TRUB2: variants seen among roughly 807,000 people sequenced by gnomAD.
The protein encoded by TRUB2 is TruB pseudouridine synthase family member 2.
In TRUB2, 31 loss-of-function variants were observed where a neutral mutation model predicts 31.9. The ratio of observed to expected loss-of-function variants is 0.97; its 90% CI spans 0.73 to 1.31. The LOEUF is 1.31. Ranked by LOEUF, TRUB2 falls within the 50% of genes most tolerant of loss-of-function variation. TRUB2 has a pLI of 0.00. For synonymous variants in TRUB2, 201 were observed against 182.6 expected, an observed-to-expected ratio of 1.10 and a Z score of -0.81; for missense variants, 451 against 439.6, an observed-to-expected ratio of 1.03 and a Z score of -0.23.
chr9:128,314,003 G>A (rs1007603540), intron 4 of TRUB2, 114 bp from the exon 5 acceptor site: 1 of 859,884 alleles, frequency 1.2e-6, no homozygotes, highest in Non-Finnish European at 1.9e-6. Flanking sequence ...AAGCTCATGT[G>A]CCCAGCCCCT....
At chr9:128,313,729 CAGCGTGGCCTAG>C in intron 5 of TRUB2, 67 bp downstream of exon 5, 1 of 1,281,246 alleles carries the variant, frequency 7.8e-7, no homozygotes, top group African/African-American at 1.5e-5. Flanking sequence ...GAGAAGGGGC[CAGCGTGGCCTAG>C]GGCGGGGAGA....
rs1832206789 is a variant in TRUB2 at position 128,322,389 on chromosome 9, G to A, written c.20C>T (p.Ser7Leu). The part of the protein sequence containing the change: MGSAGL[S>L]RLHGLFAVYK... ...GACCGCGAAAAGCCCATGCAGCCGC[G>A]ACAAGCCAGCAGACCCCATACTTGA... The change falls in exon 1 of 8, where the codon TCG (serine) becomes TTG (leucine). Residue 7 changes from serine (S) to leucine (L), a missense_variant. Coordinates refer to ENST00000372890, the MANE Select transcript of TRUB2 (RefSeq NM_015679.3). 1.9e-6 allele frequency: 3 copies of A among 1,613,976 alleles called. No homozygotes were observed. In the Admixed American group the frequency reaches 5.0e-5, roughly 27 times the overall value.
chr9:128,310,783 GC>G (rs751814370), intron 7 of TRUB2, 103 bp downstream of exon 7: 119 of 1,495,438 alleles, frequency 8.0e-5, no homozygotes, highest in Non-Finnish European at 1.0e-4. Flanking sequence ...GCGTGTGCTG[GC>G]CTCAGCTGAG....
intron 2 of TRUB2, among the ~76,000 whole-genome samples, chr9:128,317,664 C>G (rs527480650): frequency 6.6e-6 from 1 of 152,138 alleles, no homozygotes; most frequent in African/African-American, 2.4e-5. Flanking sequence ...GTTTACACTT[C>G]TACAGATTAA....
intron 6 of TRUB2, 91 bp downstream of exon 6, chr9:128,311,438 G>T: frequency 2.3e-6 from 3 of 1,293,198 alleles, no homozygotes; most frequent in African/African-American, 1.5e-5. Flanking sequence ...CTAAAAACAA[G>T]ATCCATGGAA....
At position 128,309,750 on chromosome 9, in the gene TRUB2, C is replaced by G. The variant is rs767721771; in HGVS notation, c.796G>C (p.Asp266His). Residue 266 changes from aspartate to histidine, a missense_variant, in exon 8 of 8, where the codon GAC becomes CAC. By Grantham distance (81) the Asp-to-His change is moderately conservative. Coordinates refer to ENST00000372890, the MANE Select transcript of TRUB2 (RefSeq NM_015679.3). ...RRTRDGFFTL[D>H]SALLRTQWDL... ...CACTGGGTCCTCAGGAGGGCACTGT[C>G]TAGCGTGAAGAAGCCGTCGCGCGTG... The G allele has an allele frequency of 5.0e-6, 8 of 1,614,268 alleles. No homozygotes were observed. Among genetic ancestry groups the G allele is most frequent in the Middle Eastern group, 1.6e-4 (1 of 6,062 alleles).
At chr9:128,317,562 T>C (rs1292701952) in intron 2 of TRUB2, among the ~76,000 whole-genome samples, 2 of 152,176 alleles carry the variant, frequency 1.3e-5, no homozygotes, top group East Asian at 1.9e-4. Flanking sequence ...ATGGAGGCTG[T>C]GAGCTCCTTA....
rs1323017967 is a variant in TRUB2, at chr9:128,306,291, GGTGGT to G, written c.*3254_*3258del. On this transcript the variant is annotated 3_prime_UTR_variant, in exon 8 of 8. Transcript: ENST00000372890. The stretch of plus-strand genomic sequence containing the variant: ...CTATGCCAATAAGGGCTCTAAATGG[GGTGGT>G]GTGACAGCCCATGTGCCCTACGTTC... 1 of 151,930 alleles carries G rather than the reference GGTGGT, an allele frequency of 6.6e-6. No homozygotes were observed. Among genetic ancestry groups the G allele is most frequent in the Admixed American group, 6.6e-5 (1 of 15,224 alleles). The allele number at this position is 151,930 out of a possible 1,614,324, so 9.4% of individuals were successfully genotyped here. A position where few individuals can be genotyped will look rare whatever the true frequency, so the allele number is the denominator to read the frequency against.
intron 2 of TRUB2, among the ~76,000 whole-genome samples, chr9:128,317,889 T>C (rs1419066775): frequency 6.6e-6 from 1 of 152,224 alleles, no homozygotes; most frequent in Non-Finnish European, 1.5e-5. Flanking sequence ...TACTTCTTAT[T>C]GTTACCATAT....
rs532848345 is a variant in TRUB2, at chr9:128,322,041, A to T, written c.109+259T>A. Among the ~76,000 whole-genome samples, 14 of 152,342 alleles carry T rather than the reference A, an allele frequency of 9.2e-5. No homozygotes were observed. In the South Asian group the frequency reaches 2.1e-3, roughly 23 times the overall value. On this transcript the variant is annotated intron_variant, in intron 1 of 7. Transcript: ENST00000372890. Reference sequence around the variant, plus strand: ...AAGCCCATGGTGCAGAGGGCAGTATAGCAGTAGTTAAGAAACAGGCGGATT... The same window carrying T: ...AAGCCCATGGTGCAGAGGGCAGTATTGCAGTAGTTAAGAAACAGGCGGATT...
rs1831867449 is a variant in TRUB2, at chr9:128,306,490, T to A, written c.*3060A>T. Reference sequence around the variant, plus strand: ...CAGAGTCTCACTCTGTCACCTAGGCTGGAGTGCAGTGGCGCAATCTCCACT... The same window carrying A: ...CAGAGTCTCACTCTGTCACCTAGGCAGGAGTGCAGTGGCGCAATCTCCACT... On this transcript the variant is annotated 3_prime_UTR_variant, in exon 8 of 8. Transcript: ENST00000372890. 6.6e-6 allele frequency: 1 copy of A among 150,780 alleles called. No individual in the cohort carries two copies. The highest frequency in any genetic ancestry group is 2.4e-5 in the African/African-American group (1 of 40,942). 9.3% of individuals were successfully genotyped at this position (150,780 alleles called of 1,614,324 possible). A position where few individuals can be genotyped will look rare whatever the true frequency, so the allele number is the denominator to read the frequency against.
intron 2 of TRUB2, among the ~76,000 whole-genome samples, chr9:128,318,906 T>C (rs1832113082): frequency 6.6e-6 from 1 of 151,956 alleles, no homozygotes; most frequent in Non-Finnish European, 1.5e-5. Flanking sequence ...AAGAGACCAG[T>C]TGCAAGGGCT....
At chr9:128,321,153 T>C (rs939314317) in intron 2 of TRUB2, among the ~76,000 whole-genome samples, 1 of 151,946 alleles carries the variant, frequency 6.6e-6, no homozygotes, top group Non-Finnish European at 1.5e-5. Flanking sequence ...CAGTACTAGG[T>C]GCACAGCAAA....
rs1832176473 is a variant in TRUB2 at position 128,321,582 on chromosome 9, G to A, written c.241+17C>T. On this transcript the variant is annotated intron_variant, in intron 2 of 7. Coordinates refer to ENST00000372890, the MANE Select transcript of TRUB2 (RefSeq NM_015679.3). ...CCTGGGAAGTGACACACAGGATCCT[G>A]CTTAAATCTGCCTTACCCAGTGGAT... The A allele has an allele frequency of 6.2e-7, 1 of 1,613,588 alleles. No homozygotes were observed. The highest frequency in any genetic ancestry group is 1.7e-5 in the Admixed American group (1 of 59,978).
chr9:128,316,921 T>C, intron 3 of TRUB2: 1 of 523,540 alleles, frequency 1.9e-6, no homozygotes, highest in South Asian at 2.7e-5. Flanking sequence ...GGCCTCGAAC[T>C]ATGTCATGTG....
At position 128,305,995 on chromosome 9, in the gene TRUB2, G is replaced by A. The variant is rs1337605287; in HGVS notation, c.*3555C>T. ...TTACAGGCATGAGCCGCCACACCCA[G>A]CAGAATTTTAATTTAAAAGCTCAGC... On this transcript the variant is annotated 3_prime_UTR_variant, in exon 8 of 8. Coordinates refer to ENST00000372890, the MANE Select transcript of TRUB2 (RefSeq NM_015679.3). 2.0e-5 allele frequency: 3 copies of A among 152,202 alleles called. No homozygotes were observed. The highest frequency in any genetic ancestry group is 4.4e-5 in the Non-Finnish European group (3 of 68,052). 9.4% of individuals were successfully genotyped at this position (152,202 alleles called of 1,614,324 possible).
rs901826536 is a variant in TRUB2 at position 128,308,990 on chromosome 9, T to C, written c.*560A>G. The stretch of plus-strand genomic sequence containing the variant: ...TGGCTTACTAGCCATTTGGATTTCT[T>C]CTGATACACACTTCATCTCATTTGC... On this transcript the variant is annotated 3_prime_UTR_variant, in exon 8 of 8. Transcript: ENST00000372890. 2.0e-5 allele frequency: 3 copies of C among 152,788 alleles called. No individual in the cohort carries two copies. Among genetic ancestry groups the C allele is most frequent in the African/African-American group, 7.2e-5 (3 of 41,468 alleles). 9.5% of individuals were successfully genotyped at this position (152,788 alleles called of 1,614,324 possible).
chr9:128,321,811 G>T, intron 1 of TRUB2, 81 bp from the exon 2 acceptor site: 1 of 1,441,324 alleles, frequency 6.9e-7, no homozygotes. Context: ...ACAGGGCCTC[G>T]TTCTGTAGCC....
At chr9:128,319,920 CT>C (rs532566965) in intron 2 of TRUB2, among the ~76,000 whole-genome samples, 142 of 129,518 alleles carry the variant, frequency 1.1e-3, no homozygotes, top group Middle Eastern at 9.2e-3. Flanking sequence ...CACCTGGCCA[CT>C]TTTTTTTTTT....
Sources: gnomAD v4.1 joint callset for allele counts (sites outside exome capture counted in the v4.1 genomes callset) on GRCh38, gnomAD v4.1.1 for gene constraint, MANE v1.5 for transcripts, NCBI Gene and HGNC (gene_info 2026-07-23, HGNC 2026-07-21) for gene names.